Variants in HK2 observed in about 807,000 individuals in gnomAD.
HK2 encodes the protein hexokinase-2.
In HK2, 42 loss-of-function variants were observed where a neutral mutation model predicts 92.9. That is an observed-to-expected ratio of 0.45 (90% CI 0.35 to 0.58). The LOEUF (loss-of-function observed/expected upper bound fraction) is 0.58, where lower values mean the gene tolerates loss of function less well. HK2 is among the 20% of genes least tolerant of loss of function. HK2 has a pLI of 0.00. For missense variants in HK2, 978 were observed against 1,245.1 expected (o/e 0.79, Z 3.23); for synonymous variants, 422 against 468.0 (o/e 0.90, Z 1.27).
In HK2 at chr2:74,880,319, C is replaced by T. The variant is rs774549527; in HGVS notation, c.1320C>T (p.Val440=). 2 of 1,614,180 alleles carry T rather than the reference C, an allele frequency of 1.2e-6. No individual in the cohort carries two copies. The highest frequency in any genetic ancestry group is 1.7e-6 in the Non-Finnish European group (2 of 1,180,028). Residue 440 remains valine (V), a synonymous_variant, in exon 10 of 18, where the codon GTC becomes GTT. Coordinates refer to ENST00000290573, the MANE Select transcript of HK2 (RefSeq NM_000189.5). Reference sequence around the variant, plus strand: ...GGCGGCTGGTGCCCGGCTGCGATGTCCGCTTCCTCCGCTCCGAGGATGGCA... The same window carrying T: ...GGCGGCTGGTGCCCGGCTGCGATGTTCGCTTCCTCCGCTCCGAGGATGGCA... ...TVRRLVPGCD[V]RFLRSEDGSG...
chr2:74,863,839 A>G (rs1407082543), intron 2 of HK2, among the ~76,000 whole-genome samples: 1 of 152,216 alleles, frequency 6.6e-6, no homozygotes, highest in East Asian at 1.9e-4. Flanking sequence ...CTTTAGGGGC[A>G]TTAAGTTATA....
Position 74,889,415 on chromosome 2 carries a change from G to A in HK2, c.2546G>A (p.Arg849His), listed in dbSNP as rs760432076. 19 of 1,614,076 alleles carry A rather than the reference G, an allele frequency of 1.2e-5. No individual in the cohort carries two copies. Among genetic ancestry groups the A allele is most frequent in the South Asian group, 2.2e-5 (2 of 91,056 alleles). Residue 849 changes from arginine to histidine, a missense_variant, in exon 17 of 18, where the codon CGT becomes CAT. Around this residue, in one of 3 missense-constraint regions of HK2, gnomAD observed 742 missense variants for 922.5 expected, o/e 0.80. Coordinates refer to ENST00000290573, the MANE Select transcript of HK2 (RefSeq NM_000189.5). ...AAVVDRIREN[R>H]GLDALKVTVG... Reference sequence around the variant, plus strand: ...GTGGTGGACAGGATACGAGAAAACCGTGGGCTGGACGCTCTCAAAGTGACA... The same window carrying A: ...GTGGTGGACAGGATACGAGAAAACCATGGGCTGGACGCTCTCAAAGTGACA...
rs1012256784 is a variant in HK2, at chr2:74,880,197, G to C, written c.1266-68G>C. ...ATTTGGATTAAGGCGGTGGGCAACT[G>C]TCTAACTATTTGCACCATTGACCCT... On this transcript the variant is annotated intron_variant, in intron 9 of 17. Transcript: ENST00000290573. 18 of 1,562,424 alleles carry C rather than the reference G, an allele frequency of 1.2e-5. No individual in the cohort carries two copies. The African/African-American group carries it at 2.4e-4, about 21-fold the overall frequency.
chr2:74,840,116 C>T (rs181910716), intron 1 of HK2, among the ~76,000 whole-genome samples: 11 of 151,762 alleles, frequency 7.2e-5, no homozygotes, highest in East Asian at 3.9e-4. Flanking sequence ...CCACCATGTC[C>T]GGTTAATTTT....
intron 1 of HK2, among the ~76,000 whole-genome samples, chr2:74,846,443 C>T (rs1231766468): frequency 6.6e-6 from 1 of 152,190 alleles, no homozygotes; most frequent in East Asian, 1.9e-4. Flanking sequence ...TCCTACCCAC[C>T]ACCACCATCA....
At chr2:74,887,666 C>T (rs1045221355) in intron 15 of HK2, among the ~76,000 whole-genome samples, 4 of 151,952 alleles carry the variant, frequency 2.6e-5, no homozygotes, top group East Asian at 3.9e-4. Context: ...AGGCTTATTT[C>T]CCCAGGAGCC....
chr2:74,867,352 A>G (rs1210993687), intron 2 of HK2, among the ~76,000 whole-genome samples: 1 of 152,112 alleles, frequency 6.6e-6, no homozygotes, highest in East Asian at 1.9e-4. Context: ...GAATAATACA[A>G]TTGACTTTGG....
At chr2:74,860,507 TCA>T (rs1332115146) in intron 2 of HK2, among the ~76,000 whole-genome samples, 1 of 152,230 alleles carries the variant, frequency 6.6e-6, no homozygotes, top group Non-Finnish European at 1.5e-5. Context: ...ATAAATCGAC[TCA>T]CACAGTATTT....
intron 2 of HK2, 27 bp from the exon 3 acceptor site, chr2:74,867,609 T>C: frequency 6.2e-7 from 1 of 1,612,010 alleles, no homozygotes; most frequent in Non-Finnish European, 8.5e-7. Flanking sequence ...TGCCCAAAAT[T>C]AATAGTGGCC....
chr2:74,863,763 T>C (rs977275373), intron 2 of HK2, among the ~76,000 whole-genome samples: 49 of 152,134 alleles, frequency 3.2e-4, no homozygotes, highest in Non-Finnish European at 5.6e-4. Flanking sequence ...AGAGGATGAT[T>C]GGAATGTTCA....
At chr2:74,846,847 G>T (rs1558788789) in intron 1 of HK2, among the ~76,000 whole-genome samples, 1 of 152,190 alleles carries the variant, frequency 6.6e-6, no homozygotes, top group Non-Finnish European at 1.5e-5. Context: ...ATTTAAAGCA[G>T]ACGAAAGTAG....
Position 74,878,704 on chromosome 2 carries a change from C to G in HK2, c.1048C>G (p.Arg350Gly). ...SDIEGEKDGI[R>G]KAREVLMRLG... ...GTTTCCCAGGGAGAAGGATGGCATC[C>G]GGAAGGCCCGTGAGGTCCTGATGCG... The change falls in exon 9 of 18, where the codon CGG (arginine) becomes GGG (glycine). Residue 350 changes from arginine (R) to glycine (G), a missense_variant. Physicochemically the swap from Arg to Gly is moderately radical, Grantham distance 125. Transcript: ENST00000290573. 1 of 1,605,956 alleles carries G rather than the reference C, an allele frequency of 6.2e-7. No individual in the cohort carries two copies. Among genetic ancestry groups the G allele is most frequent in the Non-Finnish European group, 8.5e-7 (1 of 1,176,194 alleles).
chr2:74,862,746 A>C (rs2103918000), intron 2 of HK2, among the ~76,000 whole-genome samples: 2 of 152,364 alleles, frequency 1.3e-5, no homozygotes, highest in Middle Eastern at 6.8e-3. Flanking sequence ...GATGGCACTT[A>C]CATTGTCAGG....
In HK2 at chr2:74,834,159, C is replaced by T. The variant is rs865928288; in HGVS notation, c.-422C>T. 2.0e-4 allele frequency: 70 copies of T among 346,002 alleles called. No individual in the cohort carries two copies. Among genetic ancestry groups the T allele is most frequent in the African/African-American group, 1.4e-3 (66 of 46,526 alleles). The allele number at this position is 346,002 out of a possible 1,614,324, so 21.4% of individuals were successfully genotyped here. A position where few individuals can be genotyped will look rare whatever the true frequency, so the allele number is the denominator to read the frequency against. On this transcript the variant is annotated 5_prime_UTR_variant, in exon 1 of 18. Transcript: ENST00000290573. This position sits in a 1 kb window ranked among gnomAD's most constrained non-coding sequence, Gnocchi z 4.2. The stretch of plus-strand genomic sequence containing the variant: ...TGCATGAAACTCCGGCGCAGGAGTC[C>T]CGGGCTGCCGCTGGCAACATCGTGT...
At chr2:74,885,457 C>G in intron 12 of HK2, 37 bp from the exon 13 acceptor site, 2 of 1,481,838 alleles carry the variant, frequency 1.3e-6, no homozygotes, top group Non-Finnish European at 1.9e-6. Flanking sequence ...GGGAGCTCTT[C>G]CCTGATGTCC....
intron 9 of HK2, among the ~76,000 whole-genome samples, chr2:74,879,493 G>A (rs893999443): frequency 6.6e-6 from 1 of 152,196 alleles, no homozygotes; most frequent in Admixed American, 6.5e-5. Flanking sequence ...TGTCGGTGCA[G>A]GAGGCCTCAG....
At chr2:74,864,810 G>A (rs983937494) in intron 2 of HK2, among the ~76,000 whole-genome samples, 2 of 152,214 alleles carry the variant, frequency 1.3e-5, no homozygotes, top group African/African-American at 4.8e-5. Context: ...CCCAGCCTGT[G>A]TGTTTCTATA....
chr2:74,840,740 G>A (rs1013618565), intron 1 of HK2, among the ~76,000 whole-genome samples: 3 of 151,378 alleles, frequency 2.0e-5, no homozygotes, highest in African/African-American at 4.9e-5. Flanking sequence ...TTAGCCGGGC[G>A]TGGTGGCAGG....
intron 3 of HK2, among the ~76,000 whole-genome samples, chr2:74,870,001 CT>C (rs66946936): frequency 0.35 from 42,930 of 121,164 alleles, 6,146 homozygotes; most frequent in East Asian, 0.46. Context: ...CTTTTCTTTT[CT>C]TTTTTTTTTT....
Sources: gnomAD v4.1 joint callset for allele counts (sites outside exome capture counted in the v4.1 genomes callset) on GRCh38, gnomAD v4.1.1 for gene constraint, gnomAD v4.1.1 regional missense constraint, Gnocchi (gnomAD v3.1) non-coding constraint, MANE v1.5 for transcripts, NCBI Gene and HGNC (gene_info 2026-07-23, HGNC 2026-07-21) for gene names.